Variants in KANSL1 observed in about 807,000 individuals in gnomAD.
The protein encoded by KANSL1 is KAT8 regulatory NSL complex subunit 1, also known as MLL1/MLL complex subunit KANSL1.
In KANSL1, 22 loss-of-function variants were observed where a neutral mutation model predicts 103.6. The ratio of observed to expected loss-of-function variants is 0.21; its 90% CI spans 0.15 to 0.30. The LOEUF (loss-of-function observed/expected upper bound fraction) is 0.30, where lower values mean the gene tolerates loss of function less well. KANSL1 is among the 10% of genes least tolerant of loss of function. KANSL1 has a pLI of 1.00. For synonymous variants in KANSL1, 600 were observed against 527.6 expected, an observed-to-expected ratio of 1.14 and a Z score of -1.88; for missense variants, 1,337 against 1,399.8, an observed-to-expected ratio of 0.96 and a Z score of 0.72.
chr17:46,168,488 GA>G (rs2046119835), intron 2 of KANSL1, among the ~76,000 whole-genome samples: 1 of 152,080 alleles, frequency 6.6e-6, no homozygotes. Flanking sequence ...GCTGGATGTA[GA>G]GGCGTGTGCC....
intron 2 of KANSL1, among the ~76,000 whole-genome samples, chr17:46,102,316 C>T (rs1283290110): frequency 6.6e-6 from 1 of 152,168 alleles, no homozygotes; most frequent in Non-Finnish European, 1.5e-5. Context: ...GAGGCACGAT[C>T]TCAGCTCACT....
chr17:46,170,009 C>T (rs1425164922), intron 2 of KANSL1, among the ~76,000 whole-genome samples: 1 of 152,150 alleles, frequency 6.6e-6, no homozygotes. Flanking sequence ...GACTTGGTGG[C>T]GGGTACCTGT....
intron 1 of KANSL1, among the ~76,000 whole-genome samples, chr17:46,177,297 A>C (rs2046567334): frequency 6.6e-6 from 1 of 152,264 alleles, no homozygotes; most frequent in Non-Finnish European, 1.5e-5. Context: ...GAAACATAGA[A>C]GGAATGAATT....
chr17:46,033,857 C>G (rs920157869), intron 11 of KANSL1, among the ~76,000 whole-genome samples: 2 of 152,158 alleles, frequency 1.3e-5, no homozygotes, highest in Non-Finnish European at 2.9e-5. Context: ...TATGTGAAAT[C>G]CTGCTTTGAT....
intron 1 of KANSL1, among the ~76,000 whole-genome samples, chr17:46,206,772 C>G (rs1481019422): frequency 6.6e-6 from 1 of 152,152 alleles, no homozygotes; most frequent in African/African-American, 2.4e-5. Flanking sequence ...CATTTGGTGG[C>G]CTGACATCAA....
chr17:46,118,218 G>A (rs1306872197), intron 2 of KANSL1, among the ~76,000 whole-genome samples: 1 of 151,858 alleles, frequency 6.6e-6, no homozygotes, highest in African/African-American at 2.4e-5. Context: ...CTTGTAGTTG[G>A]GTTTTCTTCG....
At chr17:46,160,433 G>A (rs538591020) in intron 2 of KANSL1, among the ~76,000 whole-genome samples, 2 of 152,276 alleles carry the variant, frequency 1.3e-5, no homozygotes, top group East Asian at 3.9e-4. Flanking sequence ...CGTGTAAGCT[G>A]GGACTATAGG....
chr17:46,200,059 ACACACACC>A (rs895809241), intron 1 of KANSL1, among the ~76,000 whole-genome samples: 3 of 151,956 alleles, frequency 2.0e-5, no homozygotes, highest in African/African-American at 7.3e-5. Flanking sequence ...ACACACACAC[ACACACACC>A]CTGATTATTT....
rs2076963775 is a variant in KANSL1 at position 46,030,124 on chromosome 17, T to A, written c.*1352A>T. The A allele has an allele frequency of 6.6e-6, 1 of 151,060 alleles. No individual in the cohort carries two copies. Among genetic ancestry groups the A allele is most frequent in the Non-Finnish European group, 1.5e-5 (1 of 67,276 alleles). The allele number at this position is 151,060 out of a possible 1,614,324, so 9.4% of individuals were successfully genotyped here. The stretch of plus-strand genomic sequence containing the variant: ...GAAAATATTTACAAAATACAAGGTT[T>A]TTTTTTTCCATTTTTTGTTTTTGTT... On this transcript the variant is annotated 3_prime_UTR_variant, in exon 15 of 15. Transcript: ENST00000432791.
chr17:46,221,406 C>A lies in KANSL1; in HGVS notation c.-90+2265G>T, dbSNP rs1335890442. The A allele has an allele frequency of 2.6e-5, 4 of 151,394 alleles. No homozygotes were observed. The East Asian group carries it at 7.7e-4, about 29-fold the overall frequency. 9.4% of individuals were successfully genotyped at this position (151,394 alleles called of 1,614,324 possible). A position where few individuals can be genotyped will look rare whatever the true frequency, so the allele number is the denominator to read the frequency against. ...TCTCCCATCTCACCCACTCCTTAGCCCTAACCCTGACAACTAGACCCTAGT... is the reference window on the plus strand; with the variant it reads ...TCTCCCATCTCACCCACTCCTTAGCACTAACCCTGACAACTAGACCCTAGT... On this transcript the variant is annotated intron_variant, in intron 1 of 14. Transcript: ENST00000572904.
chr17:46,082,983 G>T (rs2079038777), intron 3 of KANSL1, among the ~76,000 whole-genome samples: 1 of 152,108 alleles, frequency 6.6e-6, no homozygotes, highest in African/African-American at 2.4e-5. Context: ...AAACAAAACT[G>T]AATGAAACAA....
At chr17:46,123,451 A>G (rs2043374931) in intron 2 of KANSL1, among the ~76,000 whole-genome samples, 1 of 152,250 alleles carries the variant, frequency 6.6e-6, no homozygotes, top group Non-Finnish European at 1.5e-5. Flanking sequence ...TTGAAAGCCA[A>G]CATAGGCTGA....
intron 2 of KANSL1, among the ~76,000 whole-genome samples, chr17:46,105,261 CAA>C (rs2042482288): frequency 6.6e-6 from 1 of 152,208 alleles, no homozygotes; most frequent in Non-Finnish European, 1.5e-5. Flanking sequence ...TTCTTCCTTT[CAA>C]AAGTTAAACT....
intron 2 of KANSL1, among the ~76,000 whole-genome samples, chr17:46,123,856 A>G (rs2043393932): frequency 6.6e-6 from 1 of 152,264 alleles, no homozygotes; most frequent in African/African-American, 2.4e-5. Flanking sequence ...AGCTAAGATC[A>G]TCGATGAAGA....
At chr17:46,106,894 T>C (rs2042590850) in intron 2 of KANSL1, among the ~76,000 whole-genome samples, 2 of 152,212 alleles carry the variant, frequency 1.3e-5, no homozygotes, top group East Asian at 3.9e-4. Flanking sequence ...GTGTAGACTC[T>C]ATTCTTTCTC....
intron 2 of KANSL1, among the ~76,000 whole-genome samples, chr17:46,105,442 C>T (rs1443299876): frequency 6.6e-6 from 1 of 151,834 alleles, no homozygotes; most frequent in Non-Finnish European, 1.5e-5. Context: ...CATGGTGAAA[C>T]CCCGTCTCTA....
intron 1 of KANSL1, among the ~76,000 whole-genome samples, chr17:46,174,007 A>G (rs1177042950): frequency 6.6e-6 from 1 of 152,256 alleles, no homozygotes; most frequent in Non-Finnish European, 1.5e-5. Flanking sequence ...AACCTGCTTC[A>G]CTAGCAGACA....
At chr17:46,166,705 A>G (rs1411886165) in intron 2 of KANSL1, among the ~76,000 whole-genome samples, 2 of 152,236 alleles carry the variant, frequency 1.3e-5, no homozygotes, top group Non-Finnish European at 2.9e-5. Context: ...TAAAAACATG[A>G]AAATAGGGAA....
chr17:46,100,790 C>T (rs563754371), intron 2 of KANSL1, among the ~76,000 whole-genome samples: 1 of 152,322 alleles, frequency 6.6e-6, no homozygotes, highest in Admixed American at 6.5e-5. Flanking sequence ...GTGGATTATG[C>T]TTCTCTTCCC....
Sources: allele counts gnomAD v4.1 joint callset (sites outside exome capture counted in the v4.1 genomes callset), GRCh38; gene constraint gnomAD v4.1.1; transcripts MANE v1.5; gene names NCBI Gene and HGNC (gene_info 2026-07-23, HGNC 2026-07-21).